Variants in MACF1 observed in about 807,000 individuals in gnomAD.
The protein encoded by MACF1 is microtubule-actin cross-linking factor 1.
Under a neutral mutation model 854.8 loss-of-function variants are expected in MACF1, and 193 were observed. That is an observed-to-expected ratio of 0.23 (90% CI 0.20 to 0.25). The LOEUF (loss-of-function observed/expected upper bound fraction) is 0.25. Among genes scored for constraint, MACF1 ranks in the 10% least tolerant of loss-of-function variants. The probability of loss-of-function intolerance (pLI) is 1.00; values close to 1 mark genes in which losing one functional copy is unlikely to be tolerated. For missense variants in MACF1, 7,722 were observed against 8,929.1 expected (o/e 0.86, Z 5.45); for synonymous variants, 3,185 against 3,226.7 (o/e 0.99, Z 0.44).
At position 39,350,939 on chromosome 1, in the gene MACF1, C is replaced by T. The variant is rs749037673; in HGVS notation, c.11120C>T (p.Ala3707Val). Residue 3707 changes from alanine (A) to valine (V), a missense_variant, in exon 43 of 101, where the codon GCG (alanine) becomes GTG (valine). Ala to Val is a moderately conservative substitution (Grantham distance 64). Around this residue, in one of 15 missense-constraint regions of MACF1, gnomAD observed 2,807 missense variants for 3,235.8 expected, o/e 0.87. Coordinates refer to ENST00000564288, the MANE Select transcript of MACF1 (RefSeq NM_001394062.1). ...CATCAGGCTAAGGAGCAATATGAGG[C>T]GCTCCAGGAAGAGACACGTGTGGCC... ...KLHQAKEQYE[A>V]LQEETRVAQK... 1.4e-5 allele frequency: 23 copies of T among 1,613,932 alleles called. No homozygotes were observed. Among genetic ancestry groups the T allele is most frequent in the African/African-American group, 8.0e-5 (6 of 74,896 alleles).
intron 55 of MACF1, 59 bp from the exon 56 acceptor site, chr1:39,381,894 G>A: frequency 1.7e-6 from 2 of 1,197,406 alleles, no homozygotes; most frequent in South Asian, 2.4e-5. Flanking sequence ...ACATAACTTA[G>A]GTACCAGGCC....
chr1:39,205,996 T>C (rs1017239254), intron 1 of MACF1, among the ~76,000 whole-genome samples: 3 of 152,150 alleles, frequency 2.0e-5, no homozygotes, highest in African/African-American at 7.2e-5. Context: ...AGTACTCTCA[T>C]TGTGATGGGC....
intron 35 of MACF1, among the ~76,000 whole-genome samples, chr1:39,326,183 G>T (rs1480049064): frequency 1.3e-5 from 2 of 152,140 alleles, no homozygotes; most frequent in Non-Finnish European, 2.9e-5. Flanking sequence ...GGAAGGCTTA[G>T]GACATATCCA....
intron 26 of MACF1, 56 bp downstream of exon 26, chr1:39,311,056 A>T: frequency 6.4e-7 from 1 of 1,563,830 alleles, no homozygotes; most frequent in Non-Finnish European, 8.7e-7. Context: ...TTCAGAGTTC[A>T]TTGGATGGCA....
chr1:39,202,262 G>A (rs989017804), upstream of MACF1, among the ~76,000 whole-genome samples: 30 of 143,802 alleles, frequency 2.1e-4, no homozygotes, highest in African/African-American at 5.3e-4. Flanking sequence ...CACCACGCCC[G>A]GCCTCATATT....
At chr1:39,315,712 G>C (rs1482415784) in intron 27 of MACF1, 21 bp downstream of exon 27, 18 of 1,609,294 alleles carry the variant, frequency 1.1e-5, no homozygotes, top group Non-Finnish European at 1.4e-5. Context: ...TGAGGTTTTG[G>C]GTCCAAGAGC....
chr1:39,346,305 T>C (rs574305402), intron 40 of MACF1, among the ~76,000 whole-genome samples: 18 of 152,062 alleles, frequency 1.2e-4, no homozygotes, highest in Admixed American at 1.1e-3. Context: ...GAGCTTGCAG[T>C]GAGCCGAGAT....
At chr1:39,130,937 G>A (rs373670362) in intron 2 of MACF1, among the ~76,000 whole-genome samples, 4 of 151,440 alleles carry the variant, frequency 2.6e-5, no homozygotes, top group Non-Finnish European at 4.4e-5. Flanking sequence ...CGCCTCCCGG[G>A]TTCAAGCAAT....
At chr1:39,435,527 C>G (rs745423404) in intron 69 of MACF1, 31 bp from the exon 70 acceptor site, 1 of 1,535,230 alleles carries the variant, frequency 6.5e-7, no homozygotes, top group Non-Finnish European at 9.0e-7. Context: ...TATAAAAGTA[C>G]TCATTATGGT....
intron 97 of MACF1, among the ~76,000 whole-genome samples, chr1:39,477,959 C>CA (rs1644940808): frequency 7.9e-6 from 1 of 126,036 alleles, no homozygotes; most frequent in Non-Finnish European, 1.7e-5. Flanking sequence ...CCTCTTATAT[C>CA]TTTTTTTTTT....
At chr1:39,244,401 C>A (rs950508402) in intron 2 of MACF1, among the ~76,000 whole-genome samples, 2 of 152,132 alleles carry the variant, frequency 1.3e-5, no homozygotes, top group African/African-American at 4.8e-5. Context: ...CCTGCCTTAG[C>A]CTCCTAAGTA....
rs765658214 is a variant in MACF1 at position 39,411,443 on chromosome 1, A to G, written c.15817-10931A>G. On this transcript the variant is annotated intron_variant, in intron 58 of 100. Transcript: ENST00000564288. Reference sequence around the variant, plus strand: ...ACTTTTGGCCACCTATCTCTTGGTCAGATTTGTTGCCCTGATGACCCACAG... The same window carrying G: ...ACTTTTGGCCACCTATCTCTTGGTCGGATTTGTTGCCCTGATGACCCACAG... The G allele has an allele frequency of 6.2e-6, 10 of 1,613,802 alleles. No individual in the cohort carries two copies. The Admixed American group carries it at 1.7e-4, about 27-fold the overall frequency.
intron 58 of MACF1, among the ~76,000 whole-genome samples, chr1:39,401,229 T>G (rs1393288004): frequency 6.6e-6 from 1 of 152,216 alleles, no homozygotes; most frequent in African/African-American, 2.4e-5. Flanking sequence ...TTCATATTAT[T>G]TTCAAATCAT....
chr1:39,142,025 C>G (rs1022762874), intron 2 of MACF1, among the ~76,000 whole-genome samples: 1 of 152,200 alleles, frequency 6.6e-6, no homozygotes, highest in African/African-American at 2.4e-5. Context: ...GGTATCTGGT[C>G]TGCAGGCAGT....
At chr1:39,290,890 G>T (rs1451473739) in intron 15 of MACF1, among the ~76,000 whole-genome samples, 1 of 151,632 alleles carries the variant, frequency 6.6e-6, no homozygotes, top group East Asian at 1.9e-4. Context: ...AGCCAGGCTG[G>T]TCTTGAACTC....
chr1:39,337,952 G>A lies in MACF1; in HGVS notation c.10215+621G>A, dbSNP rs1417384984. 2.0e-5 allele frequency among the ~76,000 whole-genome samples: 3 copies of A among 152,094 alleles called. No individual in the cohort carries two copies. In the East Asian group the frequency reaches 5.8e-4, roughly 29 times the overall value. The stretch of plus-strand genomic sequence containing the variant: ...GCCCAGCTAATTTTTTGTATATTTA[G>A]TAGAGACGGGGTTTCACCGTGTTAG... On this transcript the variant is annotated intron_variant, in intron 38 of 100. Coordinates refer to ENST00000564288, the MANE Select transcript of MACF1 (RefSeq NM_001394062.1).
chr1:39,377,892 T>C (rs1649858580), intron 52 of MACF1, among the ~76,000 whole-genome samples: 1 of 151,910 alleles, frequency 6.6e-6, no homozygotes, highest in African/African-American at 2.4e-5. Context: ...TAATCCCAGC[T>C]GTTTGAGAGG....
At chr1:39,246,124 T>C (rs995464979) in intron 2 of MACF1, among the ~76,000 whole-genome samples, 1 of 152,238 alleles carries the variant, frequency 6.6e-6, no homozygotes, top group Non-Finnish European at 1.5e-5. Flanking sequence ...TGTCTTTTTC[T>C]TCTGTCCTTT....
At position 39,432,650 on chromosome 1, in the gene MACF1, A is replaced by G; in HGVS notation, c.17453A>G (p.Gln5818Arg). ...QDQTTAQLQV[Q>R]KAFSIDIIRH... ...CAGACCACAGCTCAGCTTCAGGTAC[A>G]GAAGGTACGTGCCCACTCTTTCCTG... Residue 5818 changes from glutamine (Q) to arginine (R), a missense_variant, in exon 67 of 101, where the codon CAG becomes CGG. Around this residue, in one of 15 missense-constraint regions of MACF1, gnomAD observed 2,807 missense variants for 3,235.8 expected, o/e 0.87. Coordinates refer to ENST00000564288, the MANE Select transcript of MACF1 (RefSeq NM_001394062.1). 1 of 1,613,820 alleles carries G rather than the reference A, an allele frequency of 6.2e-7. No homozygotes were observed. The highest frequency in any genetic ancestry group is 1.1e-5 in the South Asian group (1 of 91,044).
Sources: allele counts gnomAD v4.1 joint callset (sites outside exome capture counted in the v4.1 genomes callset), GRCh38; gene constraint gnomAD v4.1.1; regional missense constraint gnomAD v4.1.1; transcripts MANE v1.5; gene names NCBI Gene and HGNC (gene_info 2026-07-23, HGNC 2026-07-21).